Variants in AOX1 observed in about 807,000 individuals in gnomAD.
AOX1 encodes aldehyde oxidase.
A neutral mutation model predicts 169.5 loss-of-function variants in AOX1; 153 were observed. The observed-to-expected ratio is 0.90, with a 90% confidence interval of 0.79 to 1.03. The LOEUF is 1.03. Among genes scored for constraint, AOX1 ranks in the 50% least tolerant of loss-of-function variants. The pLI, the probability that AOX1 is intolerant of heterozygous loss-of-function variation, is 0.00. For synonymous variants in AOX1, 562 were observed against 581.9 expected (o/e 0.97, Z 0.49); for missense variants, 1,656 against 1,663.9 (o/e 1.00, Z 0.08).
chr2:200,659,427 C>CA, intron 28 of AOX1, 134 bp downstream of exon 28: 1 of 952,442 alleles, frequency 1.0e-6, no homozygotes. Context: ...GTCAGTGGTA[C>CA]AGCACCCAGT....
chr2:200,675,389 C>G (rs1172481609), downstream of AOX1, among the ~76,000 whole-genome samples: 2 of 152,122 alleles, frequency 1.3e-5, no homozygotes, highest in Non-Finnish European at 2.9e-5. Flanking sequence ...ATAACCTCAC[C>G]AAACTAGAGA....
At chr2:200,627,615 G>C (rs1475409479) in intron 20 of AOX1, among the ~76,000 whole-genome samples, 166 bp downstream of exon 20, 1 of 152,082 alleles carries the variant, frequency 6.6e-6, no homozygotes, top group Non-Finnish European at 1.5e-5. Flanking sequence ...CCGTCTCTGG[G>C]GTAGGCCAAG....
At chr2:200,591,705 G>A (rs753751953) in intron 1 of AOX1, among the ~76,000 whole-genome samples, 36 of 152,160 alleles carry the variant, frequency 2.4e-4, no homozygotes, top group Non-Finnish European at 4.4e-4. Flanking sequence ...CAGAATGGCA[G>A]TTTGGCAGCC....
At chr2:200,629,280 T>G (rs1243489857) in intron 20 of AOX1, among the ~76,000 whole-genome samples, 1 of 152,232 alleles carries the variant, frequency 6.6e-6, no homozygotes, top group Non-Finnish European at 1.5e-5. Flanking sequence ...CCTGTTTTAA[T>G]ATTACATGGA....
intron 29 of AOX1, 28 bp downstream of exon 29, chr2:200,660,097 AT>A: frequency 1.3e-6 from 2 of 1,582,614 alleles, no homozygotes; most frequent in South Asian, 1.1e-5. Flanking sequence ...TCTGTATTTT[AT>A]TTTAGAAGAA....
intron 3 of AOX1, among the ~76,000 whole-genome samples, chr2:200,596,976 A>G (rs1029410733): frequency 6.6e-6 from 1 of 152,118 alleles, no homozygotes; most frequent in African/African-American, 2.4e-5. Context: ...TTATGCATCC[A>G]TCAGCGTGAC....
chr2:200,621,820 T>G (rs1423800898), intron 18 of AOX1, among the ~76,000 whole-genome samples: 1 of 152,190 alleles, frequency 6.6e-6, no homozygotes, highest in African/African-American at 2.4e-5. Flanking sequence ...TGGCATGATC[T>G]TGGCTCACTG....
downstream of AOX1, among the ~76,000 whole-genome samples, chr2:200,676,257 A>T (rs375199984): frequency 2.0e-5 from 3 of 152,266 alleles, no homozygotes; most frequent in South Asian, 2.1e-4. Context: ...ATATAGCATG[A>T]TTTAGCTCCA....
At chr2:200,618,623 G>T (rs1458998653) in intron 16 of AOX1, among the ~76,000 whole-genome samples, 2 of 152,112 alleles carry the variant, frequency 1.3e-5, no homozygotes, top group Non-Finnish European at 2.9e-5. Context: ...CCTGCCACCT[G>T]CCTGGAGAAT....
At position 200,634,858 on chromosome 2, in the gene AOX1, G is replaced by T. The variant is rs750146890; in HGVS notation, c.2289G>T (p.Lys763Asn). Residue 763 changes from lysine to asparagine, a missense_variant, in exon 21 of 35, where the codon AAG becomes AAT. Coordinates refer to ENST00000374700, the MANE Select transcript of AOX1 (RefSeq NM_001159.4). Reference protein sequence around the residue: ...METQSMLVVPKGEDQEMDVYV... With the variant: ...METQSMLVVPNGEDQEMDVYV... The stretch of plus-strand genomic sequence containing the variant: ...CCCAAAGCATGCTTGTCGTTCCCAA[G>T]GGAGAGGATCAAGAAATGGATGTCT... The T allele has an allele frequency of 6.2e-7, 1 of 1,613,980 alleles. No homozygotes were observed. The highest frequency in any genetic ancestry group is 1.1e-5 in the South Asian group (1 of 91,092).
intron 10 of AOX1, among the ~76,000 whole-genome samples, chr2:200,608,267 A>G (rs2034557153): frequency 6.6e-6 from 1 of 152,238 alleles, no homozygotes; most frequent in Non-Finnish European, 1.5e-5. Context: ...TTACTGAAGA[A>G]CTTCTTCTGT....
chr2:200,637,559 A>G (rs540215937), intron 22 of AOX1, among the ~76,000 whole-genome samples: 1 of 152,260 alleles, frequency 6.6e-6, no homozygotes, highest in Admixed American at 6.5e-5. Flanking sequence ...ACATACATAT[A>G]TACATATATG....
intron 31 of AOX1, among the ~76,000 whole-genome samples, chr2:200,665,436 T>G (rs925452203): frequency 6.6e-5 from 10 of 152,258 alleles, no homozygotes; most frequent in African/African-American, 1.9e-4. Context: ...TTGTGGGTTG[T>G]TTTTTTCTGT....
chr2:200,616,398 A>G (rs2034759353), intron 16 of AOX1, among the ~76,000 whole-genome samples: 1 of 152,258 alleles, frequency 6.6e-6, no homozygotes, highest in African/African-American at 2.4e-5. Context: ...AGTCCAATAA[A>G]GCCACGCTCT....
At chr2:200,606,397 T>C (rs940246891) in intron 10 of AOX1, among the ~76,000 whole-genome samples, 7 of 152,222 alleles carry the variant, frequency 4.6e-5, no homozygotes, top group Non-Finnish European at 7.3e-5. Flanking sequence ...TCTTGTAGTA[T>C]AGTTTGAAGT....
intron 7 of AOX1, among the ~76,000 whole-genome samples, chr2:200,603,596 C>G (rs773687673): frequency 2.0e-5 from 3 of 152,102 alleles, no homozygotes; most frequent in Non-Finnish European, 4.4e-5. Context: ...CACATTGGTT[C>G]CTTAGTGTCT....
intron 30 of AOX1, among the ~76,000 whole-genome samples, chr2:200,661,934 G>A (rs754665789): frequency 6.6e-5 from 10 of 152,092 alleles, no homozygotes; most frequent in Non-Finnish European, 1.2e-4. Context: ...ACTCGGCAGT[G>A]GTTGACTTTT....
chr2:200,615,598 G>C (rs1452333192), intron 15 of AOX1, among the ~76,000 whole-genome samples: 1 of 152,104 alleles, frequency 6.6e-6, no homozygotes, highest in African/African-American at 2.4e-5. Flanking sequence ...ATGTTTTCCT[G>C]GCTTAAGTAT....
chr2:200,647,342 G>A (rs561634111), intron 25 of AOX1, among the ~76,000 whole-genome samples: 3 of 152,228 alleles, frequency 2.0e-5, no homozygotes, highest in South Asian at 4.1e-4. Flanking sequence ...TCCTTCATAT[G>A]TGATGCTTAG....
Sources: allele counts gnomAD v4.1 joint callset (sites outside exome capture counted in the v4.1 genomes callset), GRCh38; gene constraint gnomAD v4.1.1; transcripts MANE v1.5; gene names NCBI Gene and HGNC (gene_info 2026-07-23, HGNC 2026-07-21).